The following NCALD variants were observed in gnomAD, a reference collection of about 807,000 sequenced individuals.
NCALD encodes the protein neurocalcin delta, also known as neurocalcin-delta.
Under a neutral mutation model 18.6 loss-of-function variants are expected in NCALD, and 10 were observed. The observed-to-expected ratio is 0.54, with a 90% CI of 0.33 to 0.91. The LOEUF (loss-of-function observed/expected upper bound fraction) is 0.91. Ranked by LOEUF, NCALD falls within the 40% of genes least tolerant of loss-of-function variation. NCALD has a pLI of 0.03. For synonymous variants in NCALD, 88 were observed against 87.4 expected (o/e 1.01, Z -0.04); for missense variants, 184 against 247.6 (o/e 0.74, Z 1.72).
intron 1 of NCALD, among the ~76,000 whole-genome samples, chr8:102,065,089 A>C (rs1823964977): frequency 6.6e-6 from 1 of 152,064 alleles, no homozygotes; most frequent in African/African-American, 2.4e-5. Context: ...AAAGCTAAAA[A>C]GCAGTAGGGG....
intron 2 of NCALD, among the ~76,000 whole-genome samples, chr8:101,977,653 C>T (rs1316805715): frequency 2.0e-5 from 3 of 152,188 alleles, no homozygotes; most frequent in South Asian, 2.1e-4. Context: ...CTCCACCATC[C>T]GTCCTTCCAG....
chr8:101,903,416 C>A (rs562463042), intron 3 of NCALD, among the ~76,000 whole-genome samples: 1 of 151,938 alleles, frequency 6.6e-6, no homozygotes, highest in African/African-American at 2.4e-5. Flanking sequence ...AGGATGGTCT[C>A]GATGTCTTGA....
chr8:101,884,753 C>T (rs953816791), intron 4 of NCALD, among the ~76,000 whole-genome samples: 2 of 151,872 alleles, frequency 1.3e-5, no homozygotes, highest in Non-Finnish European at 2.9e-5. Flanking sequence ...GCATTAAGAA[C>T]GTGACTGGAT....
At chr8:101,753,929 G>T (rs1810766368) in intron 1 of NCALD, among the ~76,000 whole-genome samples, 1 of 152,106 alleles carries the variant, frequency 6.6e-6, no homozygotes, top group African/African-American at 2.4e-5. Context: ...GATATTTTGG[G>T]TTATCTCTTA....
intron 1 of NCALD, among the ~76,000 whole-genome samples, chr8:102,044,467 G>A (rs972145566): frequency 8.7e-5 from 13 of 149,594 alleles, no homozygotes; most frequent in Non-Finnish European, 1.5e-4. Context: ...GAGATGGTAT[G>A]ACACTATTGA....
rs1463042732 is a variant in NCALD at position 101,688,723 on chromosome 8, C to T, written c.*586G>A. ...AGCTGAGCCATCTTTTTCCTCTCCT[C>T]TGTTAATTTATCTTGAAATGTTCAC... On this transcript the variant is annotated 3_prime_UTR_variant, in exon 4 of 4. Transcript: ENST00000220931. The T allele has an allele frequency of 4.0e-6, 2 of 499,390 alleles. No individual in the cohort carries two copies. The highest frequency in any genetic ancestry group is 1.9e-5 in the African/African-American group (1 of 51,926). The allele number at this position is 499,390 out of a possible 1,614,324, so 30.9% of individuals were successfully genotyped here.
chr8:101,967,840 G>GACACACACAC lies in NCALD; in HGVS notation c.-156-51992_-156-51983dup, dbSNP rs34321706. 7.0e-3 allele frequency among the ~76,000 whole-genome samples: 1,035 copies of GACACACACAC among 147,896 alleles called. 21 individuals carry two copies. The highest frequency in any genetic ancestry group is 0.023 in the African/African-American group (942 of 40,460). On this transcript the variant is annotated intron_variant, in intron 2 of 6. Coordinates refer to the NCALD transcript ENST00000311028. ...GCTTGTTGACACAGCTCTTAAAATT[G>GACACACACAC]ACACACACACACACACACACACACA... is the stretch of plus-strand genomic sequence containing the variant.
At chr8:101,935,801 T>A (rs867643487) in intron 2 of NCALD, among the ~76,000 whole-genome samples, 152 of 147,710 alleles carry the variant, frequency 1.0e-3, no homozygotes, top group African/African-American at 3.3e-3. Flanking sequence ...TTTTTTTTTT[T>A]TTTTAAAGAT....
intron 2 of NCALD, among the ~76,000 whole-genome samples, chr8:102,012,059 T>A (rs990747292): frequency 1.5e-4 from 23 of 152,084 alleles, no homozygotes; most frequent in African/African-American, 5.6e-4. Context: ...AGGTGTAAAG[T>A]TTCAATGGGA....
At chr8:101,696,113 C>T (rs1182801326) in intron 2 of NCALD, among the ~76,000 whole-genome samples, 8 of 152,142 alleles carry the variant, frequency 5.3e-5, no homozygotes, top group Non-Finnish European at 8.8e-5. Context: ...CAGACGATCT[C>T]AGAGGTTTGG....
At chr8:102,033,303 G>A (rs1822747256) in intron 1 of NCALD, among the ~76,000 whole-genome samples, 1 of 152,156 alleles carries the variant, frequency 6.6e-6, no homozygotes, top group East Asian at 1.9e-4. Flanking sequence ...CACTAACTGA[G>A]AGATAACCTC....
At position 101,702,744 on chromosome 8, in the gene NCALD, G is replaced by GCCT. The variant is rs749684456; in HGVS notation, c.379-9851_379-9849dup. 2.0e-5 allele frequency among the ~76,000 whole-genome samples: 3 copies of GCCT among 152,340 alleles called. No individual in the cohort carries two copies. The East Asian group carries it at 5.8e-4, about 29-fold the overall frequency. ...AGCAAGAGGCTGCTCCGCAGAAGTGGCCTCATGGATATTGGAGATACAGAA... is the reference window on the plus strand; with the variant it reads ...AGCAAGAGGCTGCTCCGCAGAAGTGGCCTCCTCATGGATATTGGAGATACAGAA... On this transcript the variant is annotated intron_variant, in intron 2 of 3. Transcript: ENST00000220931.
intron 1 of NCALD, among the ~76,000 whole-genome samples, chr8:102,048,167 GTTAT>G: frequency 6.6e-6 from 1 of 152,246 alleles, no homozygotes; most frequent in Admixed American, 6.5e-5. Context: ...AGAATCTGTT[GTTAT>G]TTATTTCTTG....
chr8:102,078,328 G>A (rs1000934072), intron 1 of NCALD, among the ~76,000 whole-genome samples: 7 of 152,090 alleles, frequency 4.6e-5, no homozygotes, highest in African/African-American at 1.7e-4. Context: ...TCAGCTACCT[G>A]GTCTCTTTGT....
At chr8:101,809,706 A>G (rs1458786960) in intron 4 of NCALD, among the ~76,000 whole-genome samples, 1 of 151,960 alleles carries the variant, frequency 6.6e-6, no homozygotes, top group Non-Finnish European at 1.5e-5. Flanking sequence ...CACCACACCC[A>G]GCTAATTTTT....
chr8:102,060,512 A>G (rs1823812755), intron 1 of NCALD, among the ~76,000 whole-genome samples: 2 of 152,030 alleles, frequency 1.3e-5, no homozygotes, highest in Non-Finnish European at 2.9e-5. Flanking sequence ...ACACAGAACT[A>G]TTTCTGATGG....
intron 2 of NCALD, among the ~76,000 whole-genome samples, chr8:101,996,523 T>C (rs1241407586): frequency 6.6e-6 from 1 of 152,236 alleles, no homozygotes; most frequent in African/African-American, 2.4e-5. Flanking sequence ...ACAGGGGTTT[T>C]ACTCTGCAGG....
chr8:102,046,905 T>C (rs1446667912), intron 1 of NCALD, among the ~76,000 whole-genome samples: 1 of 151,982 alleles, frequency 6.6e-6, no homozygotes, highest in Non-Finnish European at 1.5e-5. Flanking sequence ...GTTGTACACA[T>C]TATTTCATCA....
Position 101,689,387 on chromosome 8 carries a change from C to T in NCALD, c.504G>A (p.Glu168=). The change falls in exon 4 of 4, where the codon GAG becomes GAA. Residue 168 remains glutamate, a synonymous_variant. Coordinates refer to ENST00000220931, the MANE Select transcript of NCALD (RefSeq NM_032041.3). This position sits in a 1 kb window ranked among gnomAD's most constrained non-coding sequence, Gnocchi z 4.4. Reference sequence around the variant, plus strand: ...GGTCGCTTTTGGCTCCTCGGATGAACTCTTCCAGGGAGAGTTTTCCTAGGA... The same window carrying T: ...GGTCGCTTTTGGCTCCTCGGATGAATTCTTCCAGGGAGAGTTTTCCTAGGA... ...TNRDGKLSLE[E]FIRGAKSDPS... 1.2e-6 allele frequency: 2 copies of T among 1,609,804 alleles called. No individual in the cohort carries two copies. The highest frequency in any genetic ancestry group is 1.7e-6 in the Non-Finnish European group (2 of 1,178,136).
Sources: gnomAD v4.1 joint callset for allele counts (sites outside exome capture counted in the v4.1 genomes callset) on GRCh38, gnomAD v4.1.1 for gene constraint, Gnocchi (gnomAD v3.1) non-coding constraint, MANE v1.5 for transcripts, NCBI Gene and HGNC (gene_info 2026-07-23, HGNC 2026-07-21) for gene names.